The following CERT1 variants were observed in gnomAD, a reference collection of about 807,000 sequenced individuals.
The protein encoded by CERT1 is ceramide transfer protein.
In CERT1, 31 loss-of-function variants were observed where a neutral mutation model predicts 87.9. The ratio of observed to expected loss-of-function variants is 0.35; its 90% confidence interval spans 0.27 to 0.48. The LOEUF is 0.48. Among genes scored for constraint, CERT1 ranks in the 20% least tolerant of loss-of-function variants. The pLI, the probability that CERT1 is intolerant of heterozygous loss-of-function variation, is 0.99. For synonymous variants in CERT1, 289 were observed against 250.9 expected, an observed-to-expected ratio of 1.15 and a Z score of -1.44; for missense variants, 487 against 758.0, an observed-to-expected ratio of 0.64 and a Z score of 4.20.
intron 1 of CERT1, among the ~76,000 whole-genome samples, chr5:75,507,352 C>T (rs890644395): frequency 3.9e-5 from 6 of 152,158 alleles, no homozygotes; most frequent in African/African-American, 1.4e-4. Flanking sequence ...CTCAAGCGAT[C>T]TGTCTTCCTT....
At chr5:75,449,367 AT>A (rs1254954316) in intron 3 of CERT1, among the ~76,000 whole-genome samples, 1 of 152,226 alleles carries the variant, frequency 6.6e-6, no homozygotes, top group Non-Finnish European at 1.5e-5. Context: ...TTTGTTAACA[AT>A]AAAAGCACTT....
At chr5:75,448,903 T>C (rs1162279329) in intron 3 of CERT1, among the ~76,000 whole-genome samples, 11 of 152,032 alleles carry the variant, frequency 7.2e-5, no homozygotes, top group Admixed American at 7.2e-4. Flanking sequence ...GTTTACAAAT[T>C]ACAGACGAAA....
intron 2 of CERT1, among the ~76,000 whole-genome samples, chr5:75,480,294 C>T (rs934802386): frequency 1.7e-4 from 26 of 152,156 alleles, no homozygotes; most frequent in Non-Finnish European, 3.5e-4. Context: ...AAAACAAAAA[C>T]GATACTTAAA....
intron 12 of CERT1, among the ~76,000 whole-genome samples, chr5:75,389,019 T>A (rs1761925719): frequency 6.6e-6 from 1 of 152,150 alleles, no homozygotes; most frequent in African/African-American, 2.4e-5. Flanking sequence ...TTAGCATAGT[T>A]CCTTAGGAAT....
chr5:75,445,996 T>C (rs1410950141), intron 3 of CERT1, among the ~76,000 whole-genome samples: 1 of 152,248 alleles, frequency 6.6e-6, no homozygotes, highest in Non-Finnish European at 1.5e-5. Context: ...TGAATCTCAT[T>C]GATTTTATCT....
At chr5:75,440,104 G>C (rs1197386533) in intron 3 of CERT1, among the ~76,000 whole-genome samples, 1 of 151,934 alleles carries the variant, frequency 6.6e-6, no homozygotes, top group Non-Finnish European at 1.5e-5. Context: ...TAAATACCAA[G>C]ACTCAGACTG....
intron 9 of CERT1, 83 bp downstream of exon 9, chr5:75,402,889 T>C: frequency 1.3e-6 from 1 of 790,506 alleles, no homozygotes; most frequent in Non-Finnish European, 2.2e-6. Flanking sequence ...GTTCAAATTC[T>C]ATTTACATGA....
At chr5:75,433,692 T>C (rs190641023) in intron 3 of CERT1, among the ~76,000 whole-genome samples, 3 of 152,250 alleles carry the variant, frequency 2.0e-5, no homozygotes, top group Admixed American at 6.5e-5. Flanking sequence ...AGGTAATTTT[T>C]TGATTTGTTG....
chr5:75,431,225 T>G (rs996461824), intron 3 of CERT1, among the ~76,000 whole-genome samples: 28 of 152,286 alleles, frequency 1.8e-4, no homozygotes, highest in African/African-American at 6.5e-4. Context: ...TCCTCCACCC[T>G]CAAGTAGGGC....
At chr5:75,463,779 C>T (rs781197140) in intron 2 of CERT1, among the ~76,000 whole-genome samples, 1 of 152,054 alleles carries the variant, frequency 6.6e-6, no homozygotes, top group Non-Finnish European at 1.5e-5. Flanking sequence ...TCTATCTCCC[C>T]GATTAACTAA....
intron 3 of CERT1, among the ~76,000 whole-genome samples, chr5:75,458,585 T>TC (rs532962723): frequency 3.0e-3 from 449 of 152,174 alleles, no homozygotes; most frequent in Non-Finnish European, 4.1e-3. Context: ...GGAGTCTTGC[T>TC]CTGTTGCCCA....
chr5:75,375,891 C>T (rs1038894166), downstream of CERT1: 1 of 150,496 alleles, frequency 6.6e-6, no homozygotes, highest in Non-Finnish European at 1.5e-5. Flanking sequence ...AAAGATTTTA[C>T]CATGTTAAGG....
At chr5:75,393,992 A>G (rs1762143321) in intron 11 of CERT1, among the ~76,000 whole-genome samples, 1 of 152,122 alleles carries the variant, frequency 6.6e-6, no homozygotes, top group Admixed American at 6.5e-5. Context: ...TATGCTTACT[A>G]CAAAGCCACA....
At chr5:75,446,944 T>C (rs1273658917) in intron 3 of CERT1, among the ~76,000 whole-genome samples, 1 of 152,162 alleles carries the variant, frequency 6.6e-6, no homozygotes, top group Non-Finnish European at 1.5e-5. Flanking sequence ...CCTGCAACAA[T>C]AATGGTCACC....
intron 7 of CERT1, 44 bp from the exon 8 acceptor site, chr5:75,411,147 T>G: frequency 3.7e-6 from 4 of 1,089,844 alleles, no homozygotes; most frequent in Non-Finnish European, 5.4e-6. Flanking sequence ...GGCAGGCATT[T>G]TAATTACAAT....
intron 2 of CERT1, among the ~76,000 whole-genome samples, chr5:75,486,523 G>T (rs1766532227): frequency 6.6e-6 from 1 of 151,978 alleles, no homozygotes; most frequent in East Asian, 1.9e-4. Context: ...GAAATGAAGG[G>T]TATATGAATT....
Position 75,422,033 on chromosome 5 carries a change from G to A in CERT1, c.596-2609C>T, listed in dbSNP as rs1763401024. Among the ~76,000 whole-genome samples the A allele has an allele frequency of 3.3e-5, 5 of 152,030 alleles. No homozygotes were observed. The South Asian group carries it at 1.0e-3, about 32-fold the overall frequency. On this transcript the variant is annotated intron_variant, in intron 5 of 16. Transcript: ENST00000643780. ...CTAGCTCATACTTCTACTAGAGAGG[G>A]TATCCACATATCAAGGAACTTTTGA...
intron 2 of CERT1, among the ~76,000 whole-genome samples, chr5:75,463,860 GA>G (rs2112329241): frequency 6.6e-6 from 1 of 152,278 alleles, no homozygotes; most frequent in African/African-American, 2.4e-5. Context: ...GAGGGGTAAG[GA>G]AAAGGAGTTG....
At chr5:75,375,134 T>C (rs141131718), downstream of CERT1, 321 of 160,296 alleles carry the variant, frequency 2.0e-3, 1 homozygote, top group East Asian at 0.027. Context: ...GGATTTTTAC[T>C]CCACAACATG....
Sources: gnomAD v4.1 joint callset for allele counts (sites outside exome capture counted in the v4.1 genomes callset) on GRCh38, gnomAD v4.1.1 for gene constraint, MANE v1.5 for transcripts, NCBI Gene and HGNC (gene_info 2026-07-23, HGNC 2026-07-21) for gene names.